Variants in GALNT13 observed in about 807,000 individuals in gnomAD.
The protein encoded by GALNT13 is polypeptide N-acetylgalactosaminyltransferase 13.
In GALNT13, 28 loss-of-function variants were observed where a neutral mutation model predicts 64.2. That is an observed-to-expected ratio of 0.44 (90% CI 0.32 to 0.60). GALNT13 has a LOEUF of 0.60. GALNT13 is among the 20% of genes least tolerant of loss of function. GALNT13 has a pLI of 0.05. For missense variants in GALNT13, 577 were observed against 669.8 expected (o/e 0.86, Z 1.53); for synonymous variants, 214 against 224.6 (o/e 0.95, Z 0.42).
At chr2:153,128,612 GT>G in the GALNT13 span, among the ~76,000 whole-genome samples, 1 of 152,082 alleles carries the variant, frequency 6.6e-6, no homozygotes, top group Non-Finnish European at 1.5e-5. Context: ...TGGCACTCTA[GT>G]TATATGTAAA....
chr2:153,206,565 A>G, the GALNT13 span, among the ~76,000 whole-genome samples: 1 of 152,040 alleles, frequency 6.6e-6, no homozygotes, highest in Non-Finnish European at 1.5e-5. Flanking sequence ...GGTCATTTTG[A>G]AGGGTCATCC....
the GALNT13 span, among the ~76,000 whole-genome samples, chr2:153,203,595 C>A: frequency 6.6e-6 from 1 of 152,084 alleles, no homozygotes; most frequent in African/African-American, 2.4e-5. Context: ...ATGACAGGGA[C>A]TCAAATGTAG....
chr2:154,107,096 T>G (rs1023742073), intron 3 of GALNT13, among the ~76,000 whole-genome samples: 9 of 152,116 alleles, frequency 5.9e-5, no homozygotes, highest in African/African-American at 2.2e-4. Flanking sequence ...TCTACTCCCC[T>G]TTGCCTTCGA....
intron 9 of GALNT13, among the ~76,000 whole-genome samples, chr2:154,325,988 C>T (rs1425201746): frequency 6.6e-6 from 1 of 152,066 alleles, no homozygotes; most frequent in African/African-American, 2.4e-5. Context: ...ATTCTACATG[C>T]TCTAAATTTG....
At chr2:154,079,332 T>G (rs2105409362) in intron 3 of GALNT13, among the ~76,000 whole-genome samples, 1 of 151,782 alleles carries the variant, frequency 6.6e-6, no homozygotes, top group East Asian at 1.9e-4. Flanking sequence ...AAGATAAATA[T>G]TTGTGAACTG....
chr2:154,219,914 C>T (rs1688237232), intron 4 of GALNT13, among the ~76,000 whole-genome samples: 1 of 152,036 alleles, frequency 6.6e-6, no homozygotes, highest in South Asian at 2.1e-4. Flanking sequence ...CAGGGAGACC[C>T]TCAGCAGGGA....
the GALNT13 span, among the ~76,000 whole-genome samples, chr2:153,614,413 C>T: frequency 6.6e-6 from 1 of 151,836 alleles, no homozygotes; most frequent in Non-Finnish European, 1.5e-5. Context: ...CATTATATAT[C>T]ATTATCATGA....
intron 8 of GALNT13, among the ~76,000 whole-genome samples, chr2:154,264,167 A>G (rs1370646297): frequency 6.6e-6 from 1 of 152,180 alleles, no homozygotes. Flanking sequence ...TGTGTGAGGA[A>G]ACAATCCAAG....
chr2:153,946,697 A>T (rs1355045462), intron 3 of GALNT13, among the ~76,000 whole-genome samples: 2 of 152,054 alleles, frequency 1.3e-5, no homozygotes, highest in African/African-American at 4.8e-5. Flanking sequence ...ATCACCCCCC[A>T]AAGGCCCTAT....
rs369278777 is a variant in GALNT13 at position 154,155,848 on chromosome 2, A to AT, written c.311+15347dup. 4.7e-3 allele frequency among the ~76,000 whole-genome samples: 717 copies of AT among 152,034 alleles called. 6 individuals are homozygous for AT. Among genetic ancestry groups the AT allele is most frequent in the African/African-American group, 0.016 (674 of 41,534 alleles). ...GAAAACAAGGCCCAAAATAAGTTGC[A>AT]TTTTGTTACATTCCAAGTCCAACTT... is the stretch of plus-strand genomic sequence containing the variant. On this transcript the variant is annotated intron_variant, in intron 4 of 12. Transcript: ENST00000392825.
the GALNT13 span, among the ~76,000 whole-genome samples, chr2:153,383,300 C>T: frequency 6.6e-6 from 1 of 152,066 alleles, no homozygotes; most frequent in African/African-American, 2.4e-5. Flanking sequence ...AGTTTCTCGG[C>T]ATCCACATAG....
the GALNT13 span, among the ~76,000 whole-genome samples, chr2:153,178,435 T>C: frequency 1.2e-4 from 18 of 152,304 alleles, no homozygotes; most frequent in African/African-American, 4.1e-4. Context: ...ATTGTGGTTT[T>C]AGTTTGCATT....
At chr2:153,339,944 G>A in the GALNT13 span, among the ~76,000 whole-genome samples, 961 of 152,062 alleles carry the variant, frequency 6.3e-3, 8 homozygotes, top group African/African-American at 0.022. Flanking sequence ...TCTTTGTTCC[G>A]TTTCATTGTT....
the GALNT13 span, among the ~76,000 whole-genome samples, chr2:153,758,298 TG>T: frequency 1.1e-3 from 148 of 132,386 alleles, 2 homozygotes; most frequent in Admixed American, 8.4e-3. Flanking sequence ...AGTGAATAAA[TG>T]GGGTTTTTTT....
At chr2:153,451,958 A>T in the GALNT13 span, among the ~76,000 whole-genome samples, 1 of 152,208 alleles carries the variant, frequency 6.6e-6, no homozygotes, top group African/African-American at 2.4e-5. Flanking sequence ...TGACTAAAAA[A>T]TGTGGATTCT....
chr2:153,216,893 T>C, the GALNT13 span, among the ~76,000 whole-genome samples: 1 of 152,090 alleles, frequency 6.6e-6, no homozygotes, highest in African/African-American at 2.4e-5. Context: ...TCACAATTAT[T>C]TTTTCCTTAA....
the GALNT13 span, among the ~76,000 whole-genome samples, chr2:153,155,041 A>C: frequency 6.6e-6 from 1 of 152,108 alleles, no homozygotes; most frequent in Non-Finnish European, 1.5e-5. Flanking sequence ...ATTGATTTGC[A>C]TATGTTGAAC....
At chr2:154,039,060 A>G (rs748378674) in intron 3 of GALNT13, among the ~76,000 whole-genome samples, 2 of 152,170 alleles carry the variant, frequency 1.3e-5, no homozygotes, top group African/African-American at 2.4e-5. Context: ...ACAATGAGGT[A>G]TCACCTAACC....
intron 2 of GALNT13, among the ~76,000 whole-genome samples, chr2:153,929,359 A>C (rs1010783096): frequency 5.3e-5 from 8 of 151,970 alleles, no homozygotes; most frequent in Non-Finnish European, 1.0e-4. Context: ...TCCAACATTT[A>C]TTTTAGGTTT....
Sources: gnomAD v4.1 joint callset for allele counts (sites outside exome capture counted in the v4.1 genomes callset) on GRCh38, gnomAD v4.1.1 for gene constraint, MANE v1.5 for transcripts, NCBI Gene and HGNC (gene_info 2026-07-23, HGNC 2026-07-21) for gene names.